The following SEPTIN6 variants were observed in gnomAD, a reference collection of about 807,000 sequenced individuals.
SEPTIN6 encodes septin-6.
A neutral mutation model predicts 33.6 loss-of-function variants in SEPTIN6; 8 were observed. The observed-to-expected ratio is 0.24, with a 90% CI of 0.14 to 0.43. The LOEUF is 0.43. Ranked by LOEUF, SEPTIN6 falls within the 20% of genes least tolerant of loss-of-function variation. SEPTIN6 has a pLI of 1.00. For synonymous variants in SEPTIN6, 131 were observed against 140.0 expected (o/e 0.94, Z 0.45); for missense variants, 250 against 340.8 (o/e 0.73, Z 2.10).
chrX:119,636,332 G>A (rs1251766657), intron 7 of SEPTIN6, among the ~76,000 whole-genome samples: 1 of 111,697 alleles, frequency 9.0e-6, no homozygotes, highest in Admixed American at 9.5e-5. Flanking sequence ...CACACATCAC[G>A]CATATAGATC....
chrX:119,688,714 A>G, intron 1 of SEPTIN6, among the ~76,000 whole-genome samples: 1 of 108,793 alleles, frequency 9.2e-6, no homozygotes, highest in East Asian at 2.8e-4. Context: ...CTCGGGGAAA[A>G]AAAAAAAAAA....
downstream of SEPTIN6, chrX:119,616,643 T>C (rs2053669890): frequency 1.4e-5 from 16 of 1,104,985 alleles, no homozygotes; most frequent in Non-Finnish European, 1.7e-5. Context: ...AGGAAATTGG[T>C]TGATTTCTGA....
In SEPTIN6 at chrX:119,618,475, G is replaced by T; in HGVS notation, c.*1618C>A. 1 of 907,404 alleles carries T rather than the reference G, an allele frequency of 1.1e-6. No individual in the cohort carries two copies. The highest frequency in any genetic ancestry group is 5.8e-5 in the South Asian group (1 of 17,373). 74.8% of individuals were successfully genotyped at this position (907,404 alleles called of 1,213,427 possible). ...TTCCCCTTCTCAATACTTCAAAAAG[G>T]CCTGGAAATTTGGCATAACCTTGTT... is the stretch of plus-strand genomic sequence containing the variant. On this transcript the variant is annotated 3_prime_UTR_variant, in exon 11 of 11. Coordinates refer to ENST00000394610, the MANE Select transcript of SEPTIN6 (RefSeq NM_145799.4).
chrX:119,674,666 G>A (rs758665661), intron 2 of SEPTIN6, among the ~76,000 whole-genome samples: 33 of 111,610 alleles, frequency 3.0e-4, no homozygotes, highest in Non-Finnish European at 4.7e-4. Flanking sequence ...CCTCAGGTAA[G>A]TCCCTTATCC....
chrX:119,649,269 T>A (rs1293797645), intron 5 of SEPTIN6, among the ~76,000 whole-genome samples: 9 of 107,410 alleles, frequency 8.4e-5, no homozygotes, highest in Admixed American at 5.1e-4. Context: ...ATTTTTGTAT[T>A]TTTTAGTAGA....
chrX:119,685,862 T>C (rs2055047028), intron 1 of SEPTIN6, among the ~76,000 whole-genome samples: 1 of 111,400 alleles, frequency 9.0e-6, no homozygotes, highest in Non-Finnish European at 1.9e-5. Context: ...GTGTTCCTGC[T>C]CTCTACTCAC....
At chrX:119,672,243 G>C (rs1474285016) in intron 2 of SEPTIN6, among the ~76,000 whole-genome samples, 3 of 111,548 alleles carry the variant, frequency 2.7e-5, no homozygotes, top group Non-Finnish European at 3.8e-5. Context: ...TTGAGGATGA[G>C]AGCATCTCCT....
At chrX:119,624,144 G>GTTTTTTTTT in intron 10 of SEPTIN6, 1 of 211,642 alleles carries the variant, frequency 4.7e-6, no homozygotes, top group Non-Finnish European at 8.7e-6. Context: ...TTTATTATGG[G>GTTTTTTTTT]TTTTTTTTTT....
intron 9 of SEPTIN6, among the ~76,000 whole-genome samples, chrX:119,627,791 CTTTTTTTTTTTTTT>C (rs973249197): frequency 9.5e-5 from 7 of 73,674 alleles, no homozygotes; most frequent in African/African-American, 3.0e-4. Context: ...ATCTGCACTT[CTTTTTTTTTTTTTT>C]TTTTTTTTTT....
chrX:119,662,341 A>G (rs1056160664), intron 3 of SEPTIN6, among the ~76,000 whole-genome samples: 1 of 111,646 alleles, frequency 9.0e-6, no homozygotes, highest in African/African-American at 3.3e-5. Context: ...ATCAAACTTG[A>G]CATGTCCAAA....
intron 1 of SEPTIN6, among the ~76,000 whole-genome samples, chrX:119,688,710 G>GA (rs150477050): frequency 0.12 from 9,213 of 78,604 alleles, 1,620 homozygotes; most frequent in African/African-American, 0.4. Context: ...CCATCTCGGG[G>GA]AAAAAAAAAA....
rs746468087 is a variant in SEPTIN6 at position 119,629,393 on chromosome X, G to A, written c.1205C>T (p.Ala402Val). The A allele has an allele frequency of 4.1e-6, 5 of 1,211,200 alleles. No individual in the cohort carries two copies. Among genetic ancestry groups the A allele is most frequent in the Admixed American group, 2.2e-5 (1 of 45,982 alleles). ...GCCCTGGGACTGGAGCAGCTCAGCC[G>A]CCGTCTTTCTTTGCTTGAAAGCATT... ...EVNAFKQRKT[A>V]AELLQSQGSQ... The change falls in exon 9 of 11, where the codon GCG (alanine) becomes GTG (valine). Residue 402 changes from alanine (A) to valine (V), a missense_variant. This residue lies in a region of SEPTIN6 where 139 missense variants were observed against 227.0 expected (regional missense o/e 0.61). Transcript: ENST00000394610.
chrX:119,637,646 CATCT>C (rs1235142054), intron 6 of SEPTIN6, among the ~76,000 whole-genome samples: 73 of 78,704 alleles, frequency 9.3e-4, no homozygotes, highest in Middle Eastern at 6.1e-3. Context: ...CTCATCCATC[CATCT>C]ATCTATCCAT....
Position 119,619,993 on chromosome X carries a change from T to C in SEPTIN6, c.*100A>G, listed in dbSNP as rs760166365. 2 of 1,204,138 alleles carry C rather than the reference T, an allele frequency of 1.7e-6. No homozygotes were observed. The highest frequency in any genetic ancestry group is 1.8e-5 in the South Asian group (1 of 55,715). Reference sequence around the variant, plus strand: ...CCCCCAGGCATGTTAAGGGGGAAATTAGAGAAAGGGAGGCCCAGCTCTGTT... The same window carrying C: ...CCCCCAGGCATGTTAAGGGGGAAATCAGAGAAAGGGAGGCCCAGCTCTGTT... On this transcript the variant is annotated 3_prime_UTR_variant, in exon 11 of 11. Transcript: ENST00000394610.
At position 119,663,656 on chromosome X, in the gene SEPTIN6, G is replaced by C. The variant is rs1328230951; in HGVS notation, c.167C>G (p.Ser56Cys). 1 of 1,207,418 alleles carries C rather than the reference G, an allele frequency of 8.3e-7. No homozygotes were observed. Among genetic ancestry groups the C allele is most frequent in the Non-Finnish European group, 1.1e-6 (1 of 893,053 alleles). Residue 56 changes from serine to cysteine, a missense_variant, in exon 3 of 11, where the codon TCC becomes TGC. By Grantham distance (112) the Ser-to-Cys change is moderately radical. Coordinates refer to ENST00000394610, the MANE Select transcript of SEPTIN6 (RefSeq NM_145799.4). ...LCVGETGLGKSTLMDTLFNTK... is the reference protein window; with the variant it reads ...LCVGETGLGKCTLMDTLFNTK... ...GTTGAACAGGGTGTCCATGAGGGTG[G>C]ACTTGCCCAAACCTGTCTCTCCTGA...
At chrX:119,685,632 C>T (rs2055043091) in intron 1 of SEPTIN6, among the ~76,000 whole-genome samples, 1 of 111,290 alleles carries the variant, frequency 9.0e-6, no homozygotes. Flanking sequence ...GATCCAGGCC[C>T]CTGTCGAGCC....
chrX:119,672,225 T>C (rs978407528), intron 2 of SEPTIN6, among the ~76,000 whole-genome samples: 10 of 111,633 alleles, frequency 9.0e-5, no homozygotes, highest in Non-Finnish European at 1.5e-4. Flanking sequence ...AAAGAGAGTC[T>C]GTGACTCTTG....
At chrX:119,616,564 G>C (rs200012723), downstream of SEPTIN6, 4 of 591,046 alleles carry the variant, frequency 6.8e-6, no homozygotes, top group Non-Finnish European at 1.2e-5. Context: ...TTCTTGCCTG[G>C]ACACAGGGAC....
At chrX:119,634,644 T>TA (rs1264735626) in intron 7 of SEPTIN6, among the ~76,000 whole-genome samples, 1 of 111,313 alleles carries the variant, frequency 9.0e-6, no homozygotes, top group East Asian at 2.8e-4. Flanking sequence ...CTAGATCCAA[T>TA]TTGAAAATGA....
Sources: allele counts gnomAD v4.1 joint callset (sites outside exome capture counted in the v4.1 genomes callset), GRCh38; gene constraint gnomAD v4.1.1; regional missense constraint gnomAD v4.1.1; transcripts MANE v1.5; gene names NCBI Gene and HGNC (gene_info 2026-07-23, HGNC 2026-07-21).